The following PAK2 variants were observed in gnomAD, a reference collection of about 807,000 sequenced individuals.
PAK2 encodes the protein p21 (RAC1) activated kinase 2, also known as serine/threonine-protein kinase PAK 2.
A neutral mutation model predicts 65.9 loss-of-function variants in PAK2; 21 were observed. The ratio of observed to expected loss-of-function variants is 0.32; its 90% confidence interval spans 0.23 to 0.46. PAK2 has a LOEUF of 0.46. PAK2 is among the 20% of genes least tolerant of loss of function. The probability of loss-of-function intolerance (pLI) is 1.00; values close to 1 mark genes in which losing one functional copy is unlikely to be tolerated. For missense variants in PAK2, 324 were observed against 642.6 expected (o/e 0.50, Z 5.36); for synonymous variants, 204 against 219.7 (o/e 0.93, Z 0.63).
At chr3:196,802,945 C>A in intron 3 of PAK2, 72 bp from the exon 4 acceptor site, 1 of 1,010,240 alleles carries the variant, frequency 9.9e-7, no homozygotes, top group Non-Finnish European at 1.4e-6. Context: ...TGTATTTTGT[C>A]ATTTATCTCT....
At chr3:196,755,457 CTT>C (rs10710047) in intron 1 of PAK2, among the ~76,000 whole-genome samples, 14,296 of 123,660 alleles carry the variant, frequency 0.12, 1,095 homozygotes, top group African/African-American at 0.24. Context: ...CTTCTTCCGA[CTT>C]TTTTTTTTTT....
chr3:196,787,264 CT>C (rs1477527984), intron 2 of PAK2, among the ~76,000 whole-genome samples: 1 of 151,982 alleles, frequency 6.6e-6, no homozygotes, highest in African/African-American at 2.4e-5. Flanking sequence ...AAAAAAAAAC[CT>C]GTGGCTACTT....
intron 1 of PAK2, among the ~76,000 whole-genome samples, chr3:196,773,801 G>A (rs1403330718): frequency 6.6e-6 from 1 of 152,070 alleles, no homozygotes; most frequent in Non-Finnish European, 1.5e-5. Flanking sequence ...GAATCCAGGA[G>A]GCAGAGGTTG....
In PAK2 at chr3:196,778,938, G is replaced by A. The variant is rs78355818; in HGVS notation, c.-21-3688G>A. Among the ~76,000 whole-genome samples, 228 of 152,318 alleles carry A rather than the reference G, an allele frequency of 1.5e-3. 3 individuals are homozygous for A. The South Asian group carries it at 0.016, about 11-fold the overall frequency. On this transcript the variant is annotated intron_variant, in intron 1 of 14. Transcript: ENST00000327134. Reference sequence around the variant, plus strand: ...TGCGTCCCATCACATTAGATTAGGGGATAAGTAATATTGTCATGACTTGTC... The same window carrying A: ...TGCGTCCCATCACATTAGATTAGGGAATAAGTAATATTGTCATGACTTGTC...
At chr3:196,825,977 G>A (rs1024929001) in intron 13 of PAK2, among the ~76,000 whole-genome samples, 5 of 151,298 alleles carry the variant, frequency 3.3e-5, no homozygotes, top group Non-Finnish European at 7.4e-5. Context: ...CCGAGTAGCT[G>A]GAACTACAGG....
At chr3:196,827,368 T>C (rs1403203327) in intron 14 of PAK2, 35 bp downstream of exon 14, 3 of 1,584,848 alleles carry the variant, frequency 1.9e-6, no homozygotes, top group Non-Finnish European at 2.6e-6. Flanking sequence ...GGGGGAATAG[T>C]TGACTTTTTT....
At chr3:196,812,882 G>A (rs768198551) in intron 10 of PAK2, 31 bp downstream of exon 10, 1 of 937,114 alleles carries the variant, frequency 1.1e-6, no homozygotes, top group Non-Finnish European at 1.7e-6. Context: ...AACACCGGGA[G>A]AAAATGTAGA....
At chr3:196,750,901 T>C (rs1275440659) in intron 1 of PAK2, among the ~76,000 whole-genome samples, 1 of 152,180 alleles carries the variant, frequency 6.6e-6, no homozygotes, top group Non-Finnish European at 1.5e-5. Context: ...AAAATTACCA[T>C]CTTAAACGTT....
chr3:196,811,732 C>T (rs917110826), intron 8 of PAK2, among the ~76,000 whole-genome samples: 12 of 151,960 alleles, frequency 7.9e-5, no homozygotes, highest in Non-Finnish European at 1.6e-4. Context: ...AACTATATGA[C>T]GTTTAAAAAT....
Position 196,807,910 on chromosome 3 carries a change from A to G in PAK2, c.705A>G (p.Lys235=), listed in dbSNP as rs890553905. Residue 235 remains lysine, a synonymous_variant, in exon 7 of 15, where the codon AAA becomes AAG. Transcript: ENST00000327134. ...TGACAGATGAAGAGATTATGGAGAA[A>G]TTAAGTATGTTATCTACATTTTACA... is the stretch of plus-strand genomic sequence containing the variant. The part of the protein sequence containing the change: ...TKMTDEEIME[K]LRTIVSIGDP... The G allele has an allele frequency of 6.3e-7, 1 of 1,588,620 alleles. No homozygotes were observed. Among genetic ancestry groups the G allele is most frequent in the African/African-American group, 1.3e-5 (1 of 74,522 alleles).
chr3:196,786,119 A>T (rs1024086967), intron 2 of PAK2, among the ~76,000 whole-genome samples: 1 of 152,026 alleles, frequency 6.6e-6, no homozygotes, highest in Admixed American at 6.6e-5. Flanking sequence ...AGTATATTTT[A>T]ATGAATAGAA....
At chr3:196,782,916 A>G (rs530351853) in intron 2 of PAK2, 83 bp downstream of exon 2, 2 of 788,398 alleles carry the variant, frequency 2.5e-6, no homozygotes, top group South Asian at 4.3e-5. Context: ...TATGGTGAGA[A>G]CATTAAAACA....
chr3:196,762,795 CAAA>C (rs63606860), intron 1 of PAK2, among the ~76,000 whole-genome samples: 68,264 of 134,982 alleles, frequency 0.51, 16,028 homozygotes, highest in Non-Finnish European at 0.56. Flanking sequence ...AACTCCGTCT[CAAA>C]AAAAAAAAAA....
chr3:196,796,750 G>C (rs994576277), intron 2 of PAK2, among the ~76,000 whole-genome samples: 1 of 152,156 alleles, frequency 6.6e-6, no homozygotes, highest in African/African-American at 2.4e-5. Context: ...ATACAAAAAG[G>C]TGTGTTAACA....
intron 1 of PAK2, among the ~76,000 whole-genome samples, chr3:196,766,922 A>T (rs1290871586): frequency 7.3e-6 from 1 of 136,942 alleles, no homozygotes; most frequent in East Asian, 2.1e-4. Flanking sequence ...AATAGAAACA[A>T]GTACACCCCG....
chr3:196,774,137 C>G (rs1714463136), intron 1 of PAK2, among the ~76,000 whole-genome samples: 1 of 152,142 alleles, frequency 6.6e-6, no homozygotes, highest in Non-Finnish European at 1.5e-5. Flanking sequence ...TGCTTGAGGT[C>G]TTAGGTAGGA....
intron 2 of PAK2, among the ~76,000 whole-genome samples, chr3:196,795,306 GA>G (rs1363915873): frequency 5.6e-5 from 8 of 143,944 alleles, no homozygotes; most frequent in Non-Finnish European, 9.2e-5. Context: ...AAAAAAAAAA[GA>G]AAAAAAGAAA....
At chr3:196,758,471 T>C (rs576141875) in intron 1 of PAK2, among the ~76,000 whole-genome samples, 1 of 152,260 alleles carries the variant, frequency 6.6e-6, no homozygotes, top group East Asian at 1.9e-4. Flanking sequence ...AAGCTTCAGA[T>C]GGCAATTAAA....
At chr3:196,796,084 C>T (rs944379544) in intron 2 of PAK2, among the ~76,000 whole-genome samples, 3 of 152,174 alleles carry the variant, frequency 2.0e-5, no homozygotes, top group Admixed American at 1.3e-4. Context: ...TGACAGGAGG[C>T]GGAGCTCGGG....
Sources: allele counts gnomAD v4.1 joint callset (sites outside exome capture counted in the v4.1 genomes callset), GRCh38; gene constraint gnomAD v4.1.1; transcripts MANE v1.5; gene names NCBI Gene and HGNC (gene_info 2026-07-23, HGNC 2026-07-21).